Variants in SEMA3D observed in about 807,000 individuals in gnomAD.
SEMA3D encodes semaphorin-3D.
Under a neutral mutation model 100.1 loss-of-function variants are expected in SEMA3D, and 84 were observed. That is an observed-to-expected ratio of 0.84 (90% CI 0.70 to 1.01). SEMA3D has a LOEUF of 1.01. Among genes scored for constraint, SEMA3D ranks in the 50% least tolerant of loss-of-function variants. SEMA3D has a pLI of 0.00. For missense variants in SEMA3D, 875 were observed against 934.1 expected (o/e 0.94, Z 0.82); for synonymous variants, 312 against 320.7 (o/e 0.97, Z 0.29).
At chr7:85,225,731 T>C in the SEMA3D span, among the ~76,000 whole-genome samples, 1 of 151,992 alleles carries the variant, frequency 6.6e-6, no homozygotes, top group Non-Finnish European at 1.5e-5. Flanking sequence ...GACACTGCTG[T>C]GGGGTCAGAG....
chr7:84,999,380 C>A lies in SEMA3D; in HGVS notation c.*60G>T. On this transcript the variant is annotated 3_prime_UTR_variant, in exon 19 of 19. Coordinates refer to ENST00000284136, the MANE Select transcript of SEMA3D (RefSeq NM_001384900.1). Reference sequence around the variant, plus strand: ...TTTATGAATTACTATAAGGGATATACAAAACAGAAGGCAATGTTTTTATAG... The same window carrying A: ...TTTATGAATTACTATAAGGGATATAAAAAACAGAAGGCAATGTTTTTATAG... 2.2e-6 allele frequency: 3 copies of A among 1,373,412 alleles called. No homozygotes were observed. The African/African-American group carries it at 4.3e-5, about 20-fold the overall frequency. The allele number at this position is 1,373,412 out of a possible 1,614,324, so 85.1% of individuals were successfully genotyped here.
At chr7:85,100,025 G>C (rs920872942) in intron 3 of SEMA3D, among the ~76,000 whole-genome samples, 1 of 151,880 alleles carries the variant, frequency 6.6e-6, no homozygotes, top group South Asian at 2.1e-4. Flanking sequence ...TGATGCCTGT[G>C]TTTGGAGAAT....
the SEMA3D span, among the ~76,000 whole-genome samples, chr7:85,247,481 G>A: frequency 6.6e-6 from 1 of 152,108 alleles, no homozygotes; most frequent in South Asian, 2.1e-4. Flanking sequence ...TATATTAACA[G>A]TTAAGTATAT....
chr7:85,233,001 T>A, the SEMA3D span, among the ~76,000 whole-genome samples: 7 of 152,174 alleles, frequency 4.6e-5, no homozygotes, highest in African/African-American at 1.7e-4. Flanking sequence ...CACACAATCC[T>A]CTTTAAATCC....
chr7:85,183,792 C>G (rs559621360), intron 1 of SEMA3D, among the ~76,000 whole-genome samples: 1 of 152,278 alleles, frequency 6.6e-6, no homozygotes, highest in Admixed American at 6.5e-5. Flanking sequence ...TTTTTCTTAA[C>G]CTCCCATCTC....
At chr7:85,010,650 G>A (rs762627062) in intron 17 of SEMA3D, among the ~76,000 whole-genome samples, 1 of 151,830 alleles carries the variant, frequency 6.6e-6, no homozygotes, top group Non-Finnish European at 1.5e-5. Context: ...GGTGAATTGT[G>A]TGCAATTTAT....
At chr7:85,219,449 A>T in the SEMA3D span, among the ~76,000 whole-genome samples, 12 of 127,174 alleles carry the variant, frequency 9.4e-5, no homozygotes, top group East Asian at 3.8e-4. Context: ...ATATAAAATG[A>T]AAGACATTTT....
chr7:85,113,905 T>C (rs1013386328), intron 3 of SEMA3D, among the ~76,000 whole-genome samples: 2 of 152,186 alleles, frequency 1.3e-5, no homozygotes, highest in African/African-American at 4.8e-5. Context: ...GTATGAATTA[T>C]GGAAAGCAAA....
At chr7:85,119,377 A>T (rs1421363572) in intron 3 of SEMA3D, among the ~76,000 whole-genome samples, 2 of 152,214 alleles carry the variant, frequency 1.3e-5, no homozygotes, top group South Asian at 2.1e-4. Flanking sequence ...ATGCCCATCA[A>T]TGATAGACTG....
At chr7:85,008,187 A>G (rs1405139783) in intron 17 of SEMA3D, among the ~76,000 whole-genome samples, 1 of 151,778 alleles carries the variant, frequency 6.6e-6, no homozygotes, top group Non-Finnish European at 1.5e-5. Flanking sequence ...TTTCCTGAGA[A>G]AGGGATTTTG....
At chr7:85,204,101 T>C in the SEMA3D span, among the ~76,000 whole-genome samples, 1 of 151,378 alleles carries the variant, frequency 6.6e-6, no homozygotes. Context: ...TATTACTAAT[T>C]TATAAGAAAA....
intron 2 of SEMA3D, among the ~76,000 whole-genome samples, chr7:85,130,772 T>C (rs1789705745): frequency 6.6e-6 from 1 of 152,144 alleles, no homozygotes. Context: ...TCATACAAGG[T>C]AAAAGAAGTT....
chr7:84,999,869 C>T lies in SEMA3D; in HGVS notation c.1909-4G>A, dbSNP rs2115698553. On this transcript the variant is annotated splice_polypyrimidine_tract_variant and splice_region_variant and intron_variant, in intron 18 of 18. Transcript: ENST00000284136. ...TGATTCTTTCATCGGGCTTCAACTG[C>T]AGAATTGGAAAAATGTAGGTAATAA... 1.2e-6 allele frequency: 2 copies of T among 1,609,252 alleles called. No individual in the cohort carries two copies. Among genetic ancestry groups the T allele is most frequent in the East Asian group, 4.5e-5 (2 of 44,788 alleles).
rs540761504 is a variant in SEMA3D at position 85,157,640 on chromosome 7, C to T, written c.-172-3901G>A. The stretch of plus-strand genomic sequence containing the variant: ...GTAAATAAATTGCATCAGTTTATGC[C>T]GTACATACATCAACATTGTTTGGGG... On this transcript the variant is annotated intron_variant, in intron 1 of 18. Coordinates refer to ENST00000284136, the MANE Select transcript of SEMA3D (RefSeq NM_001384900.1). The T allele has an allele frequency of 4.0e-5, 39 of 981,334 alleles. No homozygotes were observed. In the East Asian group the frequency reaches 4.6e-4, roughly 11 times the overall value. The allele number at this position is 981,334 out of a possible 1,614,324, so 60.8% of individuals were successfully genotyped here. A position where few individuals can be genotyped will look rare whatever the true frequency, so the allele number is the denominator to read the frequency against.
intron 1 of SEMA3D, among the ~76,000 whole-genome samples, chr7:85,184,078 T>C (rs890075097): frequency 6.6e-6 from 1 of 152,166 alleles, no homozygotes; most frequent in African/African-American, 2.4e-5. Flanking sequence ...TAATATCACA[T>C]ACATACGATT....
chr7:85,031,180 T>C (rs968852029), intron 12 of SEMA3D, among the ~76,000 whole-genome samples: 1 of 152,022 alleles, frequency 6.6e-6, no homozygotes, highest in African/African-American at 2.4e-5. Context: ...AAAGTAAGCT[T>C]GACACACTGA....
intron 18 of SEMA3D, among the ~76,000 whole-genome samples, chr7:85,000,816 T>G (rs929223543): frequency 2.6e-5 from 4 of 152,166 alleles, no homozygotes; most frequent in Non-Finnish European, 5.9e-5. Context: ...ACTAGAGGCA[T>G]GTTTACCCAC....
At chr7:85,094,633 G>A (rs2116299883) in intron 4 of SEMA3D, among the ~76,000 whole-genome samples, 1 of 151,972 alleles carries the variant, frequency 6.6e-6, no homozygotes, top group South Asian at 2.1e-4. Context: ...TGTCATAACT[G>A]GTAAATACAG....
At chr7:85,181,898 A>G (rs1791420119) in intron 1 of SEMA3D, 1 of 237,466 alleles carries the variant, frequency 4.2e-6, no homozygotes, top group South Asian at 1.6e-4. Context: ...AAAATTATTA[A>G]AATGCAAACA....
Sources: allele counts gnomAD v4.1 joint callset (sites outside exome capture counted in the v4.1 genomes callset), GRCh38; gene constraint gnomAD v4.1.1; transcripts MANE v1.5; gene names NCBI Gene and HGNC (gene_info 2026-07-23, HGNC 2026-07-21).